CDH13: variants seen among roughly 807,000 people sequenced by gnomAD.
CDH13 encodes the protein cadherin-13.
A neutral mutation model predicts 63.8 loss-of-function variants in CDH13; 24 were observed. The observed-to-expected ratio is 0.38, with a 90% CI of 0.27 to 0.53. The LOEUF is 0.53. Among genes scored for constraint, CDH13 ranks in the 20% least tolerant of loss-of-function variants. The pLI, the probability that CDH13 is intolerant of heterozygous loss-of-function variation, is 0.85. For synonymous variants in CDH13, 503 were observed against 355.3 expected (o/e 1.42, Z -4.67); for missense variants, 1,049 against 903.1 (o/e 1.16, Z -2.07).
At chr16:83,500,542 TC>T (rs2074259818) in intron 7 of CDH13, among the ~76,000 whole-genome samples, 1 of 1,560 alleles carries the variant, frequency 6.4e-4, no homozygotes, top group Non-Finnish European at 1.0e-3. Context: ...CTCCTCCCTC[TC>T]CCTCCTCCTC....
intron 10 of CDH13, among the ~76,000 whole-genome samples, chr16:83,719,952 C>G (rs1909469822): frequency 6.6e-6 from 1 of 152,172 alleles, no homozygotes; most frequent in African/African-American, 2.4e-5. Flanking sequence ...TCTACATCTC[C>G]CTGCACACAC....
chr16:83,542,740 G>A (rs371224476), intron 7 of CDH13, among the ~76,000 whole-genome samples: 28 of 152,112 alleles, frequency 1.8e-4, no homozygotes, highest in Non-Finnish European at 2.9e-4. Context: ...GTCTTTACAC[G>A]GCTGTCTCCG....
intron 1 of CDH13, among the ~76,000 whole-genome samples, chr16:82,717,239 A>C (rs1452337826): frequency 1.3e-5 from 2 of 152,070 alleles, no homozygotes; most frequent in Non-Finnish European, 2.9e-5. Flanking sequence ...AAATCACATA[A>C]AAAATAAGGG....
At chr16:83,542,749 C>T (rs114122722) in intron 7 of CDH13, among the ~76,000 whole-genome samples, 1 of 152,288 alleles carries the variant, frequency 6.6e-6, no homozygotes, top group African/African-American at 2.4e-5. Flanking sequence ...CGGCTGTCTC[C>T]GTGTGTGTCT....
chr16:83,135,167 A>T (rs557428435), intron 4 of CDH13, among the ~76,000 whole-genome samples: 1 of 152,332 alleles, frequency 6.6e-6, no homozygotes, highest in African/African-American at 2.4e-5. Context: ...TTTTTACAAC[A>T]GCCCTATAAA....
chr16:83,298,729 G>T (rs2089661589), intron 5 of CDH13, among the ~76,000 whole-genome samples: 2 of 152,182 alleles, frequency 1.3e-5, no homozygotes, highest in Non-Finnish European at 2.9e-5. Context: ...GAGAGGCTCA[G>T]ATGGCCCCAG....
At chr16:83,160,139 C>T (rs545186062) in intron 4 of CDH13, among the ~76,000 whole-genome samples, 2 of 152,090 alleles carry the variant, frequency 1.3e-5, no homozygotes, top group Non-Finnish European at 2.9e-5. Context: ...TTGGATGTAC[C>T]ATGATTCAAA....
chr16:83,217,518 C>A, intron 5 of CDH13, 21 bp downstream of exon 5: 1 of 1,606,160 alleles, frequency 6.2e-7, no homozygotes, highest in Non-Finnish European at 8.5e-7. Flanking sequence ...CTCTCCCATG[C>A]CCACCCTGTG....
intron 10 of CDH13, among the ~76,000 whole-genome samples, chr16:83,715,714 G>T (rs1044588169): frequency 1.3e-5 from 2 of 152,204 alleles, no homozygotes; most frequent in Non-Finnish European, 2.9e-5. Context: ...GGTGCCAACT[G>T]TCAGCCCAGG....
At chr16:82,686,447 G>T (rs1389691392) in intron 1 of CDH13, among the ~76,000 whole-genome samples, 1 of 152,160 alleles carries the variant, frequency 6.6e-6, no homozygotes, top group Admixed American at 6.5e-5. Context: ...GGTGTCAACG[G>T]AGATTGTATG....
At chr16:82,631,291 A>G (rs1907980121) in intron 1 of CDH13, among the ~76,000 whole-genome samples, 1 of 152,122 alleles carries the variant, frequency 6.6e-6, no homozygotes, top group Non-Finnish European at 1.5e-5. Flanking sequence ...CTTTGGTTGG[A>G]CTTGATTTCA....
At chr16:82,664,133 G>C (rs1283762183) in intron 1 of CDH13, among the ~76,000 whole-genome samples, 1 of 152,246 alleles carries the variant, frequency 6.6e-6, no homozygotes, top group Non-Finnish European at 1.5e-5. Flanking sequence ...GAAGGGTTGA[G>C]GCAGTGCTCA....
chr16:83,482,563 G>A (rs185197863), intron 6 of CDH13, among the ~76,000 whole-genome samples: 81 of 152,340 alleles, frequency 5.3e-4, no homozygotes, highest in Middle Eastern at 3.4e-3. Flanking sequence ...GAGAATGCTG[G>A]TTTAGGAGGT....
chr16:82,902,365 T>C (rs2041500478), intron 2 of CDH13, among the ~76,000 whole-genome samples: 1 of 150,348 alleles, frequency 6.7e-6, no homozygotes, highest in South Asian at 2.1e-4. Context: ...TTTCTAATCA[T>C]GATAAATGAA....
chr16:83,323,560 C>T (rs927943537), intron 5 of CDH13, among the ~76,000 whole-genome samples: 2 of 152,092 alleles, frequency 1.3e-5, no homozygotes, highest in African/African-American at 2.4e-5. Flanking sequence ...GGATTACAGG[C>T]ATGAGCTACC....
At position 83,798,221 on chromosome 16, in the gene CDH13, A is replaced by C. The variant is rs1449241914; in HGVS notation, c.*3191A>C. On this transcript the variant is annotated 3_prime_UTR_variant, in exon 14 of 14. Transcript: ENST00000567109. ...AATTGCATTTTACCCAAATAAATAC[A>C]CTGGGTCTTAATCTTAAGATGTGAC... 1 of 152,226 alleles carries C rather than the reference A, an allele frequency of 6.6e-6. No homozygotes were observed. The highest frequency in any genetic ancestry group is 2.4e-5 in the African/African-American group (1 of 41,464). The allele number at this position is 152,226 out of a possible 1,614,324, so 9.4% of individuals were successfully genotyped here.
chr16:83,395,041 G>T (rs889577619), intron 6 of CDH13, among the ~76,000 whole-genome samples: 1 of 151,996 alleles, frequency 6.6e-6, no homozygotes, highest in Non-Finnish European at 1.5e-5. Context: ...CCAGGTACTT[G>T]GGAGCCTGAG....
At chr16:83,455,222 T>C (rs1056712434) in intron 6 of CDH13, among the ~76,000 whole-genome samples, 2 of 152,234 alleles carry the variant, frequency 1.3e-5, no homozygotes, top group South Asian at 4.1e-4. Flanking sequence ...CAGTGAACAA[T>C]ACAACTTGGA....
At chr16:82,668,260 G>T (rs1161517318) in intron 1 of CDH13, among the ~76,000 whole-genome samples, 1 of 152,120 alleles carries the variant, frequency 6.6e-6, no homozygotes. Flanking sequence ...ATCACAAGGT[G>T]AGCAATGCCT....
Sources: allele counts gnomAD v4.1 joint callset (sites outside exome capture counted in the v4.1 genomes callset), GRCh38; gene constraint gnomAD v4.1.1; transcripts MANE v1.5; gene names NCBI Gene and HGNC (gene_info 2026-07-23, HGNC 2026-07-21).